FMN1: variants seen among roughly 807,000 people sequenced by gnomAD.
FMN1 encodes the protein formin-1.
FMN1 carries 110 observed loss-of-function variants against 132.4 expected under a neutral mutation model. The ratio of observed to expected loss-of-function variants is 0.83; its 90% CI spans 0.71 to 0.97. The LOEUF is 0.97. Ranked by LOEUF, FMN1 falls within the 50% of genes least tolerant of loss-of-function variation. FMN1 has a pLI of 0.00. For synonymous variants in FMN1, 722 were observed against 651.7 expected, an observed-to-expected ratio of 1.11 and a Z score of -1.64; for missense variants, 1,792 against 1,705.3, an observed-to-expected ratio of 1.05 and a Z score of -0.90.
chr15:32,822,137 T>A (rs1287528431), intron 17 of FMN1, among the ~76,000 whole-genome samples: 3 of 152,052 alleles, frequency 2.0e-5, no homozygotes, highest in African/African-American at 7.2e-5. Context: ...TCACCTGAGA[T>A]CAGGAGTTCG....
At chr15:33,101,088 CTAT>C (rs2039276571) in intron 4 of FMN1, among the ~76,000 whole-genome samples, 3 of 152,064 alleles carry the variant, frequency 2.0e-5, no homozygotes, top group South Asian at 4.2e-4. Context: ...AATGAAGCAA[CTAT>C]TAATTTTATA....
Position 33,194,171 on chromosome 15 carries a change from C to A in FMN1, c.-348-111G>T, listed in dbSNP as rs866736025. 2.1e-5 allele frequency: 3 copies of A among 143,810 alleles called. No homozygotes were observed. In the South Asian group the frequency reaches 6.7e-4, roughly 32 times the overall value. 8.9% of individuals were successfully genotyped at this position (143,810 alleles called of 1,614,324 possible). ...ATCCCATTGTGGTGCTCCCCCTCTG[C>A]GCTAAACACATCCAGCTTCAAAAAA... On this transcript the variant is annotated intron_variant, in intron 1 of 20. Coordinates refer to ENST00000616417, the MANE Select transcript of FMN1 (RefSeq NM_001277313.2).
At chr15:32,805,609 T>C (rs946808748) in intron 17 of FMN1, among the ~76,000 whole-genome samples, 1 of 152,244 alleles carries the variant, frequency 6.6e-6, no homozygotes, top group African/African-American at 2.4e-5. Context: ...AATAATTTAT[T>C]GTTTCCTCTG....
At chr15:32,845,276 C>A (rs1438313351) in intron 17 of FMN1, among the ~76,000 whole-genome samples, 1 of 152,158 alleles carries the variant, frequency 6.6e-6, no homozygotes, top group Non-Finnish European at 1.5e-5. Context: ...AGATGCAGAG[C>A]TCAATACTGA....
chr15:33,188,001 C>A (rs962598191), intron 2 of FMN1, among the ~76,000 whole-genome samples: 6 of 152,132 alleles, frequency 3.9e-5, no homozygotes, highest in African/African-American at 1.4e-4. Flanking sequence ...TGGATTTGTA[C>A]ATCATGCACT....
chr15:33,106,897 C>T (rs1020747352), intron 4 of FMN1, among the ~76,000 whole-genome samples: 3 of 151,998 alleles, frequency 2.0e-5, no homozygotes, highest in Non-Finnish European at 4.4e-5. Flanking sequence ...TCATTCACTC[C>T]ATCTGTCATC....
intron 18 of FMN1, 137 bp from the exon 19 acceptor site, chr15:32,799,090 CT>C (rs2140980870): frequency 1.5e-6 from 1 of 672,728 alleles, no homozygotes; most frequent in East Asian, 2.8e-5. Context: ...CTCATAGTTA[CT>C]GAAGTTTATT....
At chr15:32,894,276 GGAGTTC>G (rs1441836765) in intron 15 of FMN1, among the ~76,000 whole-genome samples, 9 of 152,136 alleles carry the variant, frequency 5.9e-5, no homozygotes, top group African/African-American at 1.9e-4. Flanking sequence ...CTTGAGGTCA[GGAGTTC>G]GAGACCAGCC....
chr15:32,918,050 T>C (rs1596269642), intron 10 of FMN1, among the ~76,000 whole-genome samples: 1 of 152,142 alleles, frequency 6.6e-6, no homozygotes, highest in African/African-American at 2.4e-5. Context: ...ACAAACTATT[T>C]GCAGTTCTTC....
intron 4 of FMN1, among the ~76,000 whole-genome samples, chr15:33,134,396 T>C (rs1963674918): frequency 6.6e-6 from 1 of 152,190 alleles, no homozygotes; most frequent in South Asian, 2.1e-4. Flanking sequence ...CCACCTCACC[T>C]CACCCCAAAT....
At chr15:33,008,113 C>T in intron 6 of FMN1, 38 bp from the exon 7 acceptor site, 2 of 1,503,374 alleles carry the variant, frequency 1.3e-6, no homozygotes, top group Non-Finnish European at 9.1e-7. Context: ...TAAAGAAGTA[C>T]AAAATTAAGC....
chr15:33,119,306 T>C (rs936749935), intron 4 of FMN1, among the ~76,000 whole-genome samples: 1 of 152,088 alleles, frequency 6.6e-6, no homozygotes, highest in Non-Finnish European at 1.5e-5. Context: ...GGAACTGAAA[T>C]GGACTGTCCA....
chr15:33,054,907 G>A (rs778072269), intron 6 of FMN1, among the ~76,000 whole-genome samples: 3 of 152,196 alleles, frequency 2.0e-5, no homozygotes, highest in Non-Finnish European at 4.4e-5. Context: ...ACACATTCTA[G>A]CAGGGTATCA....
intron 16 of FMN1, among the ~76,000 whole-genome samples, chr15:32,874,692 T>TA (rs2059597554): frequency 6.6e-6 from 1 of 152,322 alleles, no homozygotes; most frequent in East Asian, 1.9e-4. Context: ...AAAATGGGGA[T>TA]AAAACTTACC....
At chr15:32,840,958 T>C (rs921707054) in intron 17 of FMN1, among the ~76,000 whole-genome samples, 7 of 151,962 alleles carry the variant, frequency 4.6e-5, no homozygotes, top group Non-Finnish European at 1.0e-4. Flanking sequence ...AGTACAAGAG[T>C]TTGTATTACA....
chr15:32,918,466 T>C (rs2060738331), intron 10 of FMN1, among the ~76,000 whole-genome samples: 1 of 152,032 alleles, frequency 6.6e-6, no homozygotes, highest in African/African-American at 2.4e-5. Context: ...AAATGGACAA[T>C]CGCAAAAGGG....
At chr15:32,919,745 C>T (rs998611271) in intron 10 of FMN1, among the ~76,000 whole-genome samples, 1 of 152,158 alleles carries the variant, frequency 6.6e-6, no homozygotes, top group Non-Finnish European at 1.5e-5. Context: ...TGAGATTGTT[C>T]CTCAGGAAAG....
intron 17 of FMN1, among the ~76,000 whole-genome samples, chr15:32,816,455 T>A (rs761652530): frequency 1.3e-5 from 2 of 152,182 alleles, no homozygotes; most frequent in Non-Finnish European, 2.9e-5. Flanking sequence ...CCTCTCTGGT[T>A]AAGAGGATTT....
At position 32,806,106 on chromosome 15, in the gene FMN1, TATGTTATTATGTAAC is replaced by T. The variant is rs954500659; in HGVS notation, c.3929-1789_3929-1775del. 4.6e-5 allele frequency among the ~76,000 whole-genome samples: 7 copies of T among 152,306 alleles called. 1 individual carries two copies. The highest frequency in any genetic ancestry group is 6.8e-3 in the Middle Eastern group (2 of 294). ...TAACATAAGCTACAACATAAGTTGT[TATGTTATTATGTAAC>T]ATGTTATTATGTAACATAAGCCTTC... On this transcript the variant is annotated intron_variant, in intron 17 of 20. Transcript: ENST00000616417.
Sources: allele counts gnomAD v4.1 joint callset (sites outside exome capture counted in the v4.1 genomes callset), GRCh38; gene constraint gnomAD v4.1.1; transcripts MANE v1.5; gene names NCBI Gene and HGNC (gene_info 2026-07-23, HGNC 2026-07-21).